The following NXPE4 variants were observed in gnomAD, a reference collection of about 807,000 sequenced individuals.
The protein encoded by NXPE4 is neurexophilin and PC-esterase domain family member 4.
Under a neutral mutation model 33.3 loss-of-function variants are expected in NXPE4, and 42 were observed. That is an observed-to-expected ratio of 1.26 (90% CI 0.98 to 1.63). NXPE4 has a LOEUF of 1.63. Among genes scored for constraint, NXPE4 ranks in the 40% most tolerant of loss-of-function variants. The pLI is 0.00. For missense variants in NXPE4, 709 were observed against 647.6 expected (o/e 1.09, Z -1.03); for synonymous variants, 253 against 234.9 (o/e 1.08, Z -0.71).
At chr11:114,637,131 A>G in the NXPE4 span, among the ~76,000 whole-genome samples, 2 of 151,712 alleles carry the variant, frequency 1.3e-5, no homozygotes, top group South Asian at 4.2e-4. Context: ...GACTTGCTTT[A>G]TGAATCTAGG....
chr11:114,643,913 T>A, the NXPE4 span, among the ~76,000 whole-genome samples: 4 of 152,152 alleles, frequency 2.6e-5, no homozygotes, highest in East Asian at 7.7e-4. Context: ...TGTTTTTCCA[T>A]TTTTTTGTGT....
chr11:114,640,375 T>A, the NXPE4 span, among the ~76,000 whole-genome samples: 2 of 150,522 alleles, frequency 1.3e-5, no homozygotes, highest in Non-Finnish European at 3.0e-5. Flanking sequence ...ACTGTTTCTT[T>A]ATCCACTCAT....
chr11:114,653,808 G>A, the NXPE4 span, among the ~76,000 whole-genome samples: 10 of 151,898 alleles, frequency 6.6e-5, no homozygotes, highest in South Asian at 2.1e-4. Flanking sequence ...GATTACAGGC[G>A]TGAGCCACCG....
chr11:114,573,282 T>C (rs545014511), intron 5 of NXPE4, among the ~76,000 whole-genome samples: 1 of 151,960 alleles, frequency 6.6e-6, no homozygotes, highest in African/African-American at 2.4e-5. Context: ...AGGACCTACA[T>C]GAAATAATGC....
At chr11:114,628,831 A>C in the NXPE4 span, among the ~76,000 whole-genome samples, 1 of 152,004 alleles carries the variant, frequency 6.6e-6, no homozygotes, top group African/African-American at 2.4e-5. Flanking sequence ...AAAAAATGAT[A>C]AAGGGGATAT....
chr11:114,581,084 T>G (rs1949134095), intron 4 of NXPE4, among the ~76,000 whole-genome samples: 1 of 152,186 alleles, frequency 6.6e-6, no homozygotes, highest in South Asian at 2.1e-4. Flanking sequence ...TAAATAGGTT[T>G]ATTAGTGATT....
chr11:114,663,472 G>A, the NXPE4 span, among the ~76,000 whole-genome samples: 10 of 152,196 alleles, frequency 6.6e-5, no homozygotes, highest in African/African-American at 2.4e-4. Flanking sequence ...GGTGTCTAAT[G>A]GAAGCCAAGA....
chr11:114,639,080 C>G, the NXPE4 span, among the ~76,000 whole-genome samples: 28 of 152,074 alleles, frequency 1.8e-4, no homozygotes, highest in African/African-American at 6.8e-4. Flanking sequence ...GTGGAGCCTA[C>G]AGAGGCAGGC....
intron 5 of NXPE4, among the ~76,000 whole-genome samples, chr11:114,579,265 G>A (rs1396478228): frequency 1.3e-5 from 2 of 152,116 alleles, no homozygotes; most frequent in Non-Finnish European, 2.9e-5. Flanking sequence ...ACCATGGGGA[G>A]GGCACCAAGC....
At chr11:114,639,570 GGGAGCTGTAGACT>G in the NXPE4 span, among the ~76,000 whole-genome samples, 1 of 150,334 alleles carries the variant, frequency 6.7e-6, no homozygotes, top group South Asian at 2.1e-4. Flanking sequence ...CGCTCAGGCC[GGGAGCTGTAGACT>G]GGAGCTGTTC....
At chr11:114,579,166 C>T (rs1949079234) in intron 5 of NXPE4, among the ~76,000 whole-genome samples, 1 of 152,116 alleles carries the variant, frequency 6.6e-6, no homozygotes, top group African/African-American at 2.4e-5. Context: ...GCCAGTGTGT[C>T]ACATGGTGAG....
chr11:114,671,139 A>G, the NXPE4 span, among the ~76,000 whole-genome samples: 3 of 150,014 alleles, frequency 2.0e-5, no homozygotes, highest in Admixed American at 6.7e-5. Context: ...GAAAAGTACA[A>G]TAACTGATAT....
At chr11:114,614,854 T>G in the NXPE4 span, among the ~76,000 whole-genome samples, 1 of 151,880 alleles carries the variant, frequency 6.6e-6, no homozygotes, top group Non-Finnish European at 1.5e-5. Context: ...TGTTGCCTTA[T>G]GGGTTACCAC....
chr11:114,648,232 G>A, the NXPE4 span, among the ~76,000 whole-genome samples: 2 of 152,052 alleles, frequency 1.3e-5, no homozygotes, highest in Admixed American at 6.6e-5. Flanking sequence ...TAAGATGGGG[G>A]CTACTCACCA....
chr11:114,620,361 T>C, the NXPE4 span, among the ~76,000 whole-genome samples: 1 of 151,166 alleles, frequency 6.6e-6, no homozygotes, highest in African/African-American at 2.4e-5. Context: ...CTGTTACCGG[T>C]GGAAAATAAG....
chr11:114,627,058 G>T, the NXPE4 span, among the ~76,000 whole-genome samples: 1 of 152,034 alleles, frequency 6.6e-6, no homozygotes, highest in Non-Finnish European at 1.5e-5. Flanking sequence ...GTACCTGAAA[G>T]TGACGGGGTG....
At chr11:114,653,775 A>G in the NXPE4 span, among the ~76,000 whole-genome samples, 1 of 151,828 alleles carries the variant, frequency 6.6e-6, no homozygotes, top group Non-Finnish European at 1.5e-5. Flanking sequence ...TGATCTGCCC[A>G]TCTCGGCCTC....
Position 114,580,130 on chromosome 11 carries a change from A to G in NXPE4, c.1099+2T>C, listed in dbSNP as rs1194569247. ...AGAATTATAGCTTAGACTGAGGCAT[A>G]CTGTTGATACTGGCTTTGAAGTATT... On this transcript the variant is annotated splice_donor_variant, in intron 5 of 5. Transcript: ENST00000375478. LOFTEE classifies it high-confidence loss of function. The G allele has an allele frequency of 3.7e-6, 6 of 1,610,776 alleles. No homozygotes were observed. The highest frequency in any genetic ancestry group is 5.1e-6 in the Non-Finnish European group (6 of 1,176,892).
the NXPE4 span, among the ~76,000 whole-genome samples, chr11:114,609,072 T>C: frequency 6.6e-5 from 10 of 151,862 alleles, no homozygotes; most frequent in Admixed American, 6.6e-4. Flanking sequence ...GGGTAACCAC[T>C]GTTATCCGGT....
Sources: allele counts gnomAD v4.1 joint callset (sites outside exome capture counted in the v4.1 genomes callset), GRCh38; gene constraint gnomAD v4.1.1; transcripts MANE v1.5; gene names NCBI Gene and HGNC (gene_info 2026-07-23, HGNC 2026-07-21).